Variants in CSMD1 observed in about 807,000 individuals in gnomAD.
CSMD1 encodes CUB and Sushi multiple domains 1.
CSMD1 carries 213 observed loss-of-function variants against 417.5 expected under a neutral mutation model. That is an observed-to-expected ratio of 0.51 (90% CI 0.46 to 0.57). The LOEUF is 0.57. CSMD1 is among the 20% of genes least tolerant of loss of function. CSMD1 has a pLI of 0.00. For synonymous variants in CSMD1, 2,862 were observed against 1,736.8 expected (o/e 1.65, Z -16.11); for missense variants, 6,923 against 4,529.7 (o/e 1.53, Z -15.17).
intron 3 of CSMD1, among the ~76,000 whole-genome samples, chr8:4,032,924 T>A (rs1318511506): frequency 6.6e-6 from 1 of 152,022 alleles, no homozygotes; most frequent in Non-Finnish European, 1.5e-5. Context: ...TATACTCTCT[T>A]CCCTGTTGGA....
In CSMD1 at chr8:3,524,520, CAA is replaced by C. The variant is rs200201651; in HGVS notation, c.1345-30796_1345-30795del. On this transcript the variant is annotated intron_variant, in intron 10 of 69. Coordinates refer to ENST00000635120, the MANE Select transcript of CSMD1 (RefSeq NM_033225.6). ...ACACACATGCACAGATGCACACATG[CAA>C]AGACATACGCACACACAAGCACACA... 6.0e-3 allele frequency among the ~76,000 whole-genome samples: 911 copies of C among 151,358 alleles called. 14 individuals carry two copies. The highest frequency in any genetic ancestry group is 0.022 in the African/African-American group (889 of 41,072).
intron 5 of CSMD1, among the ~76,000 whole-genome samples, chr8:3,880,413 T>G (rs1806129422): frequency 6.6e-6 from 1 of 152,228 alleles, no homozygotes; most frequent in South Asian, 2.1e-4. Flanking sequence ...CCAAATTAGC[T>G]TCAGTTTCCA....
intron 23 of CSMD1, among the ~76,000 whole-genome samples, chr8:3,321,290 A>T (rs1347488179): frequency 2.0e-5 from 3 of 151,988 alleles, no homozygotes; most frequent in African/African-American, 4.8e-5. Context: ...TCTTCTAAGG[A>T]TCCTGCCATC....
intron 7 of CSMD1, among the ~76,000 whole-genome samples, chr8:3,676,896 C>A (rs1180452145): frequency 6.6e-6 from 1 of 152,008 alleles, no homozygotes; most frequent in Non-Finnish European, 1.5e-5. Flanking sequence ...AGCAAATTAA[C>A]ACAAGAACAG....
intron 52 of CSMD1, among the ~76,000 whole-genome samples, chr8:3,001,489 G>A (rs1171192587): frequency 1.3e-5 from 2 of 152,116 alleles, no homozygotes; most frequent in Non-Finnish European, 2.9e-5. Flanking sequence ...ATGGGTTTTG[G>A]AGTCACAAGA....
intron 25 of CSMD1, among the ~76,000 whole-genome samples, chr8:3,286,671 G>GTGGT (rs1803185260): frequency 6.9e-6 from 1 of 143,926 alleles, no homozygotes; most frequent in Non-Finnish European, 1.6e-5. Flanking sequence ...TATTGAAGGG[G>GTGGT]TTGTTTTTTT....
At chr8:4,734,039 T>C (rs988072514) in intron 1 of CSMD1, among the ~76,000 whole-genome samples, 5 of 152,350 alleles carry the variant, frequency 3.3e-5, no homozygotes, top group African/African-American at 9.6e-5. Context: ...TTTTGAAGAA[T>C]ATCTTAACAT....
In CSMD1 at chr8:4,847,834, A is replaced by C. The variant is rs146990779; in HGVS notation, c.85+146498T>G. On this transcript the variant is annotated intron_variant, in intron 1 of 69. Coordinates refer to ENST00000635120, the MANE Select transcript of CSMD1 (RefSeq NM_033225.6). Reference sequence around the variant, plus strand: ...TAAGTTCTATACAATATACCTATTTAAAGTATAAATTTCAGTGTTTCATTA... The same window carrying C: ...TAAGTTCTATACAATATACCTATTTCAAGTATAAATTTCAGTGTTTCATTA... Among the ~76,000 whole-genome samples the C allele has an allele frequency of 2.5e-3, 372 of 147,294 alleles. 1 individual carries two copies. Among genetic ancestry groups the C allele is most frequent in the African/African-American group, 9.0e-3 (358 of 39,654 alleles).
intron 7 of CSMD1, 103 bp downstream of exon 7, chr8:3,708,311 T>G: frequency 3.5e-6 from 3 of 848,980 alleles, no homozygotes; most frequent in Non-Finnish European, 3.9e-6. Context: ...AAGGAAGAGA[T>G]AACGTGGGGA....
chr8:4,069,441 G>C (rs956800975), intron 3 of CSMD1, among the ~76,000 whole-genome samples: 1 of 152,130 alleles, frequency 6.6e-6, no homozygotes, highest in African/African-American at 2.4e-5. Context: ...TCACCGTAAA[G>C]GAAATACAGT....
chr8:3,419,945 T>G (rs907276077), intron 12 of CSMD1, among the ~76,000 whole-genome samples: 4 of 152,148 alleles, frequency 2.6e-5, no homozygotes, highest in African/African-American at 9.7e-5. Flanking sequence ...TTCCTGTGAG[T>G]TGCTAGAAGT....
intron 1 of CSMD1, among the ~76,000 whole-genome samples, chr8:4,800,358 G>C (rs776303255): frequency 1.3e-5 from 2 of 151,222 alleles, no homozygotes; most frequent in Non-Finnish European, 2.9e-5. Flanking sequence ...TTGAACCTGG[G>C]AGGTGGAGGT....
rs1157479482 is a variant in CSMD1 at position 4,201,540 on chromosome 8, C to CAA, written c.416-169443_416-169442dup. Among the ~76,000 whole-genome samples the CAA allele has an allele frequency of 4.2e-4, 25 of 59,048 alleles. 4 individuals are homozygous for CAA. Among genetic ancestry groups the CAA allele is most frequent in the Non-Finnish European group, 5.0e-4 (18 of 35,746 alleles). The allele number at this position is 59,048 out of a possible 152,430, so 38.7% of individuals were successfully genotyped here. A position where few individuals can be genotyped will look rare whatever the true frequency, so the allele number is the denominator to read the frequency against. The stretch of plus-strand genomic sequence containing the variant: ...GTAAGAGATCCAGACTCTGTCTCCA[C>CAA]AAAAAAAAAAAAAAAAAAAAAAAAA... On this transcript the variant is annotated intron_variant, in intron 3 of 69. Transcript: ENST00000635120.
intron 8 of CSMD1, among the ~76,000 whole-genome samples, chr8:3,602,446 C>G (rs1801409182): frequency 1.3e-5 from 2 of 152,062 alleles, no homozygotes; most frequent in Non-Finnish European, 2.9e-5. Context: ...GGAATGGCCC[C>G]AAAATCAATG....
chr8:3,395,845 T>G (rs187701582), intron 17 of CSMD1, among the ~76,000 whole-genome samples: 257 of 152,284 alleles, frequency 1.7e-3, no homozygotes, highest in Non-Finnish European at 1.9e-3. Flanking sequence ...TAACATAATT[T>G]TAGTAATATA....
intron 51 of CSMD1, among the ~76,000 whole-genome samples, 183 bp downstream of exon 51, chr8:3,029,136 T>C (rs1383285178): frequency 6.6e-6 from 1 of 152,084 alleles, no homozygotes; most frequent in Non-Finnish European, 1.5e-5. Context: ...AGCAGCAATG[T>C]GGTTTAAGTA....
chr8:3,382,937 T>C (rs145589523), intron 18 of CSMD1, among the ~76,000 whole-genome samples: 1 of 152,232 alleles, frequency 6.6e-6, no homozygotes, highest in African/African-American at 2.4e-5. Context: ...CAAAACTAAA[T>C]GACAAAGAAA....
chr8:3,935,934 G>A (rs1810462585), intron 5 of CSMD1, among the ~76,000 whole-genome samples: 1 of 152,138 alleles, frequency 6.6e-6, no homozygotes, highest in Non-Finnish European at 1.5e-5. Flanking sequence ...ACTAAACAGT[G>A]AGCCAAGCTG....
chr8:3,042,838 G>C (rs1164508345), intron 50 of CSMD1, among the ~76,000 whole-genome samples: 2 of 152,012 alleles, frequency 1.3e-5, no homozygotes. Flanking sequence ...TGCTAGATAT[G>C]ACCTAGTACT....
Sources: allele counts gnomAD v4.1 joint callset (sites outside exome capture counted in the v4.1 genomes callset), GRCh38; gene constraint gnomAD v4.1.1; transcripts MANE v1.5; gene names NCBI Gene and HGNC (gene_info 2026-07-23, HGNC 2026-07-21).